The following GLRA2 variants were observed in gnomAD, a reference collection of about 807,000 sequenced individuals.
GLRA2 encodes the protein glycine receptor subunit alpha-2.
GLRA2 carries 11 observed loss-of-function variants against 31.6 expected under a neutral mutation model. The observed-to-expected ratio is 0.35, with a 90% CI of 0.22 to 0.58. The LOEUF (loss-of-function observed/expected upper bound fraction) is 0.58. GLRA2 is among the 20% of genes least tolerant of loss of function. GLRA2 has a pLI of 0.84. For synonymous variants in GLRA2, 132 were observed against 134.0 expected (o/e 0.99, Z 0.10); for missense variants, 212 against 351.8 (o/e 0.60, Z 3.18).
intron 2 of GLRA2, among the ~76,000 whole-genome samples, chrX:14,541,704 A>G (rs2089406801): frequency 9.0e-6 from 1 of 111,707 alleles, no homozygotes; most frequent in Non-Finnish European, 1.9e-5. Flanking sequence ...AGTCTCTGAA[A>G]AGTGAATGAG....
At chrX:14,633,946 T>C (rs1356570356) in intron 7 of GLRA2, among the ~76,000 whole-genome samples, 1 of 111,368 alleles carries the variant, frequency 9.0e-6, no homozygotes, top group African/African-American at 3.3e-5. Flanking sequence ...TGATATTTTA[T>C]TTTTATTTAT....
chrX:14,684,425 G>A (rs1260931763), intron 7 of GLRA2, among the ~76,000 whole-genome samples: 2 of 111,563 alleles, frequency 1.8e-5, no homozygotes, highest in Admixed American at 9.5e-5. Flanking sequence ...CCATTTTCAG[G>A]ATATTGATTC....
the GLRA2 span, among the ~76,000 whole-genome samples, chrX:14,507,689 C>CTTTTTTTTTTTTTTTT: frequency 1.7e-3 from 77 of 46,638 alleles, 10 homozygotes; most frequent in African/African-American, 6.4e-3. Flanking sequence ...GAAAGACATT[C>CTTTTTTTTTTTTTTTT]TTTTTTTTTT....
chrX:14,590,444 T>C (rs1276574999), intron 4 of GLRA2, among the ~76,000 whole-genome samples: 1 of 112,175 alleles, frequency 8.9e-6, no homozygotes, highest in East Asian at 2.8e-4. Flanking sequence ...ACTCATCCTA[T>C]AGTCTGATGC....
chrX:14,467,675 C>G, the GLRA2 span, among the ~76,000 whole-genome samples: 2 of 110,966 alleles, frequency 1.8e-5, no homozygotes, highest in African/African-American at 6.6e-5. Flanking sequence ...AAACTTTGTA[C>G]AAGAGAATAA....
At chrX:14,684,458 G>T (rs1019967413) in intron 7 of GLRA2, among the ~76,000 whole-genome samples, 21 of 111,741 alleles carry the variant, frequency 1.9e-4, no homozygotes, top group Non-Finnish European at 3.8e-4. Flanking sequence ...AGCATGGAAT[G>T]TTCTTCCATT....
At chrX:14,590,458 A>T (rs1356789606) in intron 4 of GLRA2, among the ~76,000 whole-genome samples, 1 of 112,165 alleles carries the variant, frequency 8.9e-6, no homozygotes, top group Non-Finnish European at 1.9e-5. Context: ...CTGATGCAAG[A>T]ACTTCAAAAG....
intron 7 of GLRA2, among the ~76,000 whole-genome samples, chrX:14,672,443 T>C (rs183572526): frequency 2.8e-4 from 32 of 112,654 alleles, no homozygotes; most frequent in African/African-American, 1.0e-3. Context: ...TTCAAAGAGC[T>C]TACACATCTA....
At chrX:14,724,679 T>C (rs1013822884) in intron 8 of GLRA2, among the ~76,000 whole-genome samples, 1 of 95,145 alleles carries the variant, frequency 1.1e-5, no homozygotes, top group Non-Finnish European at 2.1e-5. Context: ...AGTTGCTCAA[T>C]AAATAAATCC....
chrX:14,453,914 A>T, the GLRA2 span, among the ~76,000 whole-genome samples: 1 of 111,904 alleles, frequency 8.9e-6, no homozygotes, highest in Non-Finnish European at 1.9e-5. Context: ...CCTGAGAATT[A>T]TGCTGAGTGA....
chrX:14,644,259 C>G (rs202230787), intron 7 of GLRA2, among the ~76,000 whole-genome samples: 1 of 111,693 alleles, frequency 9.0e-6, no homozygotes, highest in East Asian at 2.8e-4. Flanking sequence ...CCAAATAGTG[C>G]TGTTTTCCAA....
intron 4 of GLRA2, among the ~76,000 whole-genome samples, chrX:14,589,795 G>A (rs922144386): frequency 9.3e-6 from 1 of 107,440 alleles, no homozygotes; most frequent in African/African-American, 3.4e-5. Context: ...CATATTTTGT[G>A]CATTAGGTTA....
At chrX:14,452,267 TC>T in the GLRA2 span, among the ~76,000 whole-genome samples, 1 of 112,810 alleles carries the variant, frequency 8.9e-6, no homozygotes, top group African/African-American at 3.2e-5. Context: ...CAGTTTTTTT[TC>T]TTTTATCCCA....
intron 7 of GLRA2, among the ~76,000 whole-genome samples, chrX:14,620,611 A>T: frequency 8.9e-6 from 1 of 111,743 alleles, no homozygotes; most frequent in Non-Finnish European, 1.9e-5. Context: ...GAAACAAACT[A>T]CAAACTAAAG....
intron 2 of GLRA2, among the ~76,000 whole-genome samples, chrX:14,536,065 C>T (rs755699197): frequency 8.9e-6 from 1 of 111,876 alleles, no homozygotes; most frequent in Admixed American, 9.5e-5. Context: ...TTATTCATTC[C>T]ACTTCTTTGT....
chrX:14,473,711 C>T, the GLRA2 span, among the ~76,000 whole-genome samples: 1 of 112,163 alleles, frequency 8.9e-6, no homozygotes, highest in Non-Finnish European at 1.9e-5. Context: ...AACAAGCCTG[C>T]TCAGGCTTCA....
intron 8 of GLRA2, among the ~76,000 whole-genome samples, chrX:14,726,822 A>G (rs2091934600): frequency 8.9e-6 from 1 of 112,527 alleles, no homozygotes; most frequent in Admixed American, 9.4e-5. Flanking sequence ...TGTGTGCTAA[A>G]AATAGTTTAC....
intron 2 of GLRA2, among the ~76,000 whole-genome samples, chrX:14,539,807 G>T (rs1026964424): frequency 5.4e-5 from 6 of 111,830 alleles, no homozygotes; most frequent in African/African-American, 1.9e-4. Context: ...GACTGGATAA[G>T]TCTTGTTTTC....
chrX:14,604,592 GTC>G (rs1179815097), intron 5 of GLRA2, among the ~76,000 whole-genome samples, 195 bp downstream of exon 5: 1 of 91,356 alleles, frequency 1.1e-5, no homozygotes, highest in East Asian at 3.2e-4. Flanking sequence ...GTGTGTGTGT[GTC>G]ATACAAAATC....
Sources: gnomAD v4.1 joint callset for allele counts (sites outside exome capture counted in the v4.1 genomes callset) on GRCh38, gnomAD v4.1.1 for gene constraint, MANE v1.5 for transcripts, NCBI Gene and HGNC (gene_info 2026-07-23, HGNC 2026-07-21) for gene names.